CLN6: variants seen among roughly 807,000 people sequenced by gnomAD.
CLN6 encodes the protein ceroid-lipofuscinosis neuronal protein 6.
CLN6 carries 22 observed loss-of-function variants against 33.3 expected under a neutral mutation model. The observed-to-expected ratio is 0.66, with a 90% CI of 0.47 to 0.94. The LOEUF (loss-of-function observed/expected upper bound fraction) is 0.94, where lower values mean the gene tolerates loss of function less well. Ranked by LOEUF, CLN6 falls within the 40% of genes least tolerant of loss-of-function variation. The probability of loss-of-function intolerance (pLI) is 0.00; values close to 1 mark genes in which losing one functional copy is unlikely to be tolerated. For synonymous variants in CLN6, 201 were observed against 174.6 expected (o/e 1.15, Z -1.19); for missense variants, 387 against 417.1 (o/e 0.93, Z 0.63).
At position 68,209,203 on chromosome 15, in the gene CLN6, A is replaced by G. The variant is rs1454817517; in HGVS notation, c.665+434T>C. ...CTCGCCATAGTGCTTTACATTTGAC[A>G]AAGCCCCTCTCTGTCCTCAGCATCC... On this transcript the variant is annotated intron_variant, in intron 6 of 6. Coordinates refer to ENST00000249806, the MANE Select transcript of CLN6 (RefSeq NM_017882.3). This position sits in a 1 kb window ranked among gnomAD's most constrained non-coding sequence, Gnocchi z 4.9. Among the ~76,000 whole-genome samples, 1 of 152,166 alleles carries G rather than the reference A, an allele frequency of 6.6e-6. No homozygotes were observed. The highest frequency in any genetic ancestry group is 1.9e-4 in the East Asian group (1 of 5,198).
At chr15:68,225,561 C>A (rs1283298131) in intron 1 of CLN6, among the ~76,000 whole-genome samples, 1 of 152,220 alleles carries the variant, frequency 6.6e-6, no homozygotes, top group East Asian at 1.9e-4. Flanking sequence ...TGGCTCATTG[C>A]AGCCTTGACC....
chr15:68,235,842 C>T (rs937308883), intron 1 of CLN6, among the ~76,000 whole-genome samples: 1 of 152,082 alleles, frequency 6.6e-6, no homozygotes, highest in Admixed American at 6.6e-5. Flanking sequence ...TGTTAGATTT[C>T]AGTCATGGTT....
chr15:68,249,592 TCTCA>T (rs1381511559), intron 1 of CLN6, among the ~76,000 whole-genome samples: 1 of 151,780 alleles, frequency 6.6e-6, no homozygotes, highest in African/African-American at 2.4e-5. Flanking sequence ...TATCTCATGT[TCTCA>T]CTCACATATG....
At chr15:68,223,255 G>T (rs1184110933) in intron 1 of CLN6, among the ~76,000 whole-genome samples, 1 of 152,182 alleles carries the variant, frequency 6.6e-6, no homozygotes, top group Non-Finnish European at 1.5e-5. Context: ...CAGGGTAAAG[G>T]CCTGGAGGTG....
In CLN6 at chr15:68,228,482, T is replaced by C. The variant is rs933215959; in HGVS notation, c.83+1020A>G. On this transcript the variant is annotated intron_variant, in intron 1 of 6. Transcript: ENST00000249806. This position sits in a 1 kb window ranked among gnomAD's most constrained non-coding sequence, Gnocchi z 4.4. ...GTGCGCCTACCCCTAAGTTTTGCAA[T>C]CTAGGTCCTCAACTCGAGTCCTAGA... Among the ~76,000 whole-genome samples the C allele has an allele frequency of 4.6e-5, 7 of 152,136 alleles. No individual in the cohort carries two copies. The highest frequency in any genetic ancestry group is 1.7e-4 in the African/African-American group (7 of 41,446).
chr15:68,248,976 A>C (rs1185305901), intron 1 of CLN6, among the ~76,000 whole-genome samples: 1 of 152,178 alleles, frequency 6.6e-6, no homozygotes, highest in Admixed American at 6.5e-5. Flanking sequence ...ACAACAAAAA[A>C]CAACAACAAC....
chr15:68,211,642 G>A lies in CLN6; in HGVS notation c.486+33C>T. ...CTCCCAGGACAGACTGTGCTCCTAG[G>A]GCTTACAGGCAGGGAGCAGGAGGTG... is the stretch of plus-strand genomic sequence containing the variant. On this transcript the variant is annotated intron_variant, in intron 4 of 6. Transcript: ENST00000249806. The surrounding 1 kb of genome is among the most constrained non-coding windows in gnomAD (Gnocchi z 5.9). 6.2e-7 allele frequency: 1 copy of A among 1,611,908 alleles called. No homozygotes were observed. The highest frequency in any genetic ancestry group is 8.5e-7 in the Non-Finnish European group (1 of 1,179,990).
In CLN6 at chr15:68,219,422, G is replaced by A. The variant is rs1405912196; in HGVS notation, c.84-772C>T. On this transcript the variant is annotated intron_variant, in intron 1 of 6. Coordinates refer to ENST00000249806, the MANE Select transcript of CLN6 (RefSeq NM_017882.3). The surrounding 1 kb of genome is among the most constrained non-coding windows in gnomAD (Gnocchi z 4.2). ...AGCAGTCCACAGTAGAACCTGAGAA[G>A]GAGCCAGCAGAAGCAAGGTGATGTG... is the stretch of plus-strand genomic sequence containing the variant. Among the ~76,000 whole-genome samples the A allele has an allele frequency of 6.6e-6, 1 of 152,198 alleles. No individual in the cohort carries two copies. The highest frequency in any genetic ancestry group is 2.1e-4 in the South Asian group (1 of 4,828).
At chr15:68,225,295 TTAAA>T (rs2093248635) in intron 1 of CLN6, among the ~76,000 whole-genome samples, 1 of 152,240 alleles carries the variant, frequency 6.6e-6, no homozygotes, top group South Asian at 2.1e-4. Flanking sequence ...AATACATGGC[TTAAA>T]TAACATACAC....
At chr15:68,252,408 G>A (rs1023283066) in intron 1 of CLN6, among the ~76,000 whole-genome samples, 1 of 152,098 alleles carries the variant, frequency 6.6e-6, no homozygotes, top group African/African-American at 2.4e-5. Context: ...TTGACAATCA[G>A]GTAAATATAA....
In CLN6 at chr15:68,208,747, G is replaced by C. The variant is rs560578430; in HGVS notation, c.666-337C>G. The stretch of plus-strand genomic sequence containing the variant: ...GAAAGCAACAAACAATTGCCATTAC[G>C]ACGGCAGCCACCCCCGCGGCAGGAT... On this transcript the variant is annotated intron_variant, in intron 6 of 6. Transcript: ENST00000249806. This position sits in a 1 kb window ranked among gnomAD's most constrained non-coding sequence, Gnocchi z 5.8. Among the ~76,000 whole-genome samples, 1 of 152,200 alleles carries C rather than the reference G, an allele frequency of 6.6e-6. No homozygotes were observed. The highest frequency in any genetic ancestry group is 1.5e-5 in the Non-Finnish European group (1 of 68,036).
rs955341080 is a variant in CLN6 at position 68,246,649 on chromosome 15, C to T, written c.179+10041G>A. On this transcript the variant is annotated intron_variant, in intron 1 of 6. Transcript: ENST00000538696. This position sits in a 1 kb window ranked among gnomAD's most constrained non-coding sequence, Gnocchi z 4.5. Reference sequence around the variant, plus strand: ...TTCAAATAAACAACCTAACAATGCACCTCAAGGAACTAGAAAAACAAGAAC... The same window carrying T: ...TTCAAATAAACAACCTAACAATGCATCTCAAGGAACTAGAAAAACAAGAAC... 6.6e-6 allele frequency among the ~76,000 whole-genome samples: 1 copy of T among 151,722 alleles called. No individual in the cohort carries two copies.
In CLN6 at chr15:68,219,639, C is replaced by T. The variant is rs1029214811; in HGVS notation, c.84-989G>A. ...CAGCCCACTGCAGGGAGCATTTCAA[C>T]GCCAACCCAGTCTGGCATAATGGGG... On this transcript the variant is annotated intron_variant, in intron 1 of 6. Transcript: ENST00000249806. The surrounding 1 kb of genome is among the most constrained non-coding windows in gnomAD (Gnocchi z 4.2). 1.1e-4 allele frequency among the ~76,000 whole-genome samples: 16 copies of T among 152,212 alleles called. No homozygotes were observed. Among genetic ancestry groups the T allele is most frequent in the African/African-American group, 3.4e-4 (14 of 41,452 alleles).
chr15:68,225,470 G>A (rs183249708), intron 1 of CLN6, among the ~76,000 whole-genome samples: 197 of 152,144 alleles, frequency 1.3e-3, no homozygotes, highest in African/African-American at 4.5e-3. Context: ...TTAGGGTAGG[G>A]GACTAATATC....
upstream of CLN6, among the ~76,000 whole-genome samples, chr15:68,234,581 T>A (rs1892200062): frequency 1.3e-5 from 2 of 152,310 alleles, no homozygotes; most frequent in African/African-American, 4.8e-5. The surrounding 1 kb of genome is among the most constrained non-coding windows in gnomAD (Gnocchi z 4.1). Context: ...GCTGTCCCCA[T>A]GACAGCCCAG....
intron 1 of CLN6, among the ~76,000 whole-genome samples, chr15:68,254,185 A>G (rs1223258186): frequency 1.3e-5 from 2 of 151,732 alleles, no homozygotes; most frequent in Non-Finnish European, 2.9e-5. Context: ...GGCCAAAACT[A>G]CATATTTTTT....
At position 68,209,555 on chromosome 15, in the gene CLN6, A is replaced by G. The variant is rs2093198498; in HGVS notation, c.665+82T>C. ...GCCAGTCTCCCTGGGGCCACACAGCAGGTCCATTGGCAAGTGCAGAATTTT... is the reference window on the plus strand; with the variant it reads ...GCCAGTCTCCCTGGGGCCACACAGCGGGTCCATTGGCAAGTGCAGAATTTT... On this transcript the variant is annotated intron_variant, in intron 6 of 6. Coordinates refer to ENST00000249806, the MANE Select transcript of CLN6 (RefSeq NM_017882.3). The surrounding 1 kb of genome is among the most constrained non-coding windows in gnomAD (Gnocchi z 4.9). 1.3e-6 allele frequency: 2 copies of G among 1,576,688 alleles called. No individual in the cohort carries two copies. The highest frequency in any genetic ancestry group is 1.3e-5 in the African/African-American group (1 of 74,292).
chr15:68,254,006 C>T (rs779902898), intron 1 of CLN6, among the ~76,000 whole-genome samples: 8 of 151,816 alleles, frequency 5.3e-5, no homozygotes, highest in Non-Finnish European at 1.0e-4. Flanking sequence ...GCCTCCCGAG[C>T]AGCTGGGACT....
upstream of CLN6, among the ~76,000 whole-genome samples, chr15:68,232,887 C>A (rs2093270266): frequency 6.6e-6 from 1 of 152,044 alleles, no homozygotes; most frequent in Non-Finnish European, 1.5e-5. The surrounding 1 kb of genome is among the most constrained non-coding windows in gnomAD (Gnocchi z 4.7). Flanking sequence ...ACTAAAAATA[C>A]AAAAACGAAC....
Sources: allele counts gnomAD v4.1 joint callset (sites outside exome capture counted in the v4.1 genomes callset), GRCh38; gene constraint gnomAD v4.1.1; non-coding constraint Gnocchi (gnomAD v3.1); transcripts MANE v1.5; gene names NCBI Gene and HGNC (gene_info 2026-07-23, HGNC 2026-07-21).